FAM234A: variants seen among roughly 807,000 people sequenced by gnomAD.
The protein encoded by FAM234A is family with sequence similarity 234 member A, also known as protein FAM234A.
Under a neutral mutation model 49.1 loss-of-function variants are expected in FAM234A, and 42 were observed. The observed-to-expected ratio is 0.86, with a 90% CI of 0.67 to 1.11. The LOEUF is 1.11. FAM234A is among the 50% of genes least tolerant of loss of function. The pLI, the probability that FAM234A is intolerant of heterozygous loss-of-function variation, is 0.00. For missense variants in FAM234A, 815 were observed against 745.2 expected, an observed-to-expected ratio of 1.09 and a Z score of -1.09; for synonymous variants, 369 against 316.2, an observed-to-expected ratio of 1.17 and a Z score of -1.77.
chr16:238,765 C>CAAAAAAAAAA (rs34366851), intron 1 of FAM234A, among the ~76,000 whole-genome samples: 1 of 37,896 alleles, frequency 2.6e-5, no homozygotes, highest in Admixed American at 3.5e-4. Flanking sequence ...GACTCCGTCT[C>CAAAAAAAAAA]AAAAAAAAAA....
At chr16:267,996 CAT>C (rs1231249828), downstream of FAM234A, among the ~76,000 whole-genome samples, 1 of 148,952 alleles carries the variant, frequency 6.7e-6, no homozygotes, top group Non-Finnish European at 1.5e-5. Flanking sequence ...ACACATGCCT[CAT>C]ACACACGCAC....
In FAM234A at chr16:259,732, C is replaced by T. The variant is rs866826479; in HGVS notation, c.385+133C>T. On this transcript the variant is annotated intron_variant, in intron 4 of 12. Coordinates refer to ENST00000399932, the MANE Select transcript of FAM234A (RefSeq NM_032039.4). ...TCTGGAACCCATCTCGTCATCCTTCCTGGCAGACCAGAAAGAGGCCTGGAA... is the reference window on the plus strand; with the variant it reads ...TCTGGAACCCATCTCGTCATCCTTCTTGGCAGACCAGAAAGAGGCCTGGAA... 24 of 745,092 alleles carry T rather than the reference C, an allele frequency of 3.2e-5. No homozygotes were observed. The Middle Eastern group carries it at 4.1e-3, about 126-fold the overall frequency. The allele number at this position is 745,092 out of a possible 1,614,324, so 46.2% of individuals were successfully genotyped here.
rs769062990 is a variant in FAM234A at position 259,581 on chromosome 16, C to T, written c.367C>T (p.Arg123Ter). 5.0e-6 allele frequency: 8 copies of T among 1,604,122 alleles called. No homozygotes were observed. The highest frequency in any genetic ancestry group is 1.6e-4 in the Middle Eastern group (1 of 6,062). Residue 123 changes from arginine to a stop codon, truncating the protein, a stop_gained, in exon 4 of 13, where the codon CGA (arginine) becomes TGA (stop). Transcript: ENST00000399932. LOFTEE classifies it high-confidence loss of function. ...KNTNSSNNFS[R>*]SCVDEGFSSP... ...CACCAACAGCAGCAACAATTTCAGCCGATCCTGTGTGGACGAAGGTAATTT... is the reference window on the plus strand; with the variant it reads ...CACCAACAGCAGCAACAATTTCAGCTGATCCTGTGTGGACGAAGGTAATTT...
At chr16:241,997 T>C (rs1447632163) in intron 1 of FAM234A, among the ~76,000 whole-genome samples, 1 of 152,142 alleles carries the variant, frequency 6.6e-6, no homozygotes, top group Admixed American at 6.6e-5. Context: ...GAAAGAACTC[T>C]TGGAGAAAAG....
intron 1 of FAM234A, among the ~76,000 whole-genome samples, chr16:248,686 C>A (rs1432242517): frequency 6.6e-6 from 1 of 151,782 alleles, no homozygotes; most frequent in Non-Finnish European, 1.5e-5. Context: ...AGTGTCCTGG[C>A]CATCGCTCAC....
At chr16:255,955 C>T (rs979167845) in intron 3 of FAM234A, among the ~76,000 whole-genome samples, 1 of 152,356 alleles carries the variant, frequency 6.6e-6, no homozygotes, top group African/African-American at 2.4e-5. Flanking sequence ...TGAGCCACCG[C>T]GCCCGGCCTC....
At chr16:235,590 C>T (rs562062508) in intron 1 of FAM234A, among the ~76,000 whole-genome samples, 66 of 152,302 alleles carry the variant, frequency 4.3e-4, no homozygotes, top group African/African-American at 1.6e-3. Context: ...CTTGTGATTC[C>T]AGCTGAGGAG....
At chr16:263,587 C>G (rs2051569051) in intron 9 of FAM234A, 113 bp from the exon 10 acceptor site, 9 of 1,271,984 alleles carry the variant, frequency 7.1e-6, no homozygotes, top group Non-Finnish European at 1.0e-5. Context: ...GTCCTGGGCC[C>G]TGGTCCAGAT....
chr16:264,156 G>A lies in FAM234A; in HGVS notation c.1329G>A (p.Gly443=). The change falls in exon 11 of 13, where the codon GGG becomes GGA. Residue 443 remains glycine (G), a synonymous_variant. Coordinates refer to ENST00000399932, the MANE Select transcript of FAM234A (RefSeq NM_032039.4). The stretch of plus-strand genomic sequence containing the variant: ...TCTTCTGGGGCCTCCACGAGCTGGG[G>A]AGCACCAGCGAGACGGTACGGGAGC... ...AFFFWGLHEL[G]STSETETGEA... is the part of the protein sequence containing the mutation. 3 of 1,602,336 alleles carry A rather than the reference G, an allele frequency of 1.9e-6. No individual in the cohort carries two copies. The highest frequency in any genetic ancestry group is 1.1e-5 in the South Asian group (1 of 90,378).
At position 263,350 on chromosome 16, in the gene FAM234A, G is replaced by C. The variant is rs368813595; in HGVS notation, c.1060G>C (p.Asp354His). ...LVGSEAFVLL[D>H]GQELTPRWTP... ...GGGCTCAGAGGCCTTCGTGCTGCTG[G>C]ACGGGCAGGAGCTGACGCCTCGCTG... The change falls in exon 9 of 13, where the codon GAC becomes CAC. Residue 354 changes from aspartate to histidine, a missense_variant. By Grantham distance (81) the Asp-to-His change is moderately conservative (BLOSUM62 -1). Coordinates refer to ENST00000399932, the MANE Select transcript of FAM234A (RefSeq NM_032039.4). 10 of 1,612,708 alleles carry C rather than the reference G, an allele frequency of 6.2e-6. No individual in the cohort carries two copies.
At chr16:266,532 C>T (rs574421333), downstream of FAM234A, among the ~76,000 whole-genome samples, 21 of 152,246 alleles carry the variant, frequency 1.4e-4, no homozygotes, top group East Asian at 3.9e-4. Flanking sequence ...TTGGGTGTGG[C>T]GGCAGTGAGG....
At chr16:258,155 ATTTTTTTT>A in intron 3 of FAM234A, among the ~76,000 whole-genome samples, 1 of 134,080 alleles carries the variant, frequency 7.5e-6, no homozygotes, top group African/African-American at 2.7e-5. Context: ...CACCCGGCCT[ATTTTTTTT>A]TTTTTTTTTT....
intron 1 of FAM234A, among the ~76,000 whole-genome samples, chr16:245,539 A>G (rs1229907890): frequency 6.6e-6 from 1 of 152,110 alleles, no homozygotes; most frequent in South Asian, 2.1e-4. Flanking sequence ...TGAAAACCCT[A>G]AGAATATTTA....
chr16:251,835 C>T (rs1005780329), intron 2 of FAM234A, among the ~76,000 whole-genome samples: 1 of 150,622 alleles, frequency 6.6e-6, no homozygotes, highest in African/African-American at 2.4e-5. Context: ...AACCCCATCT[C>T]TACTAAAAAT....
At position 265,818 on chromosome 16, in the gene FAM234A, C is replaced by T. The variant is rs893490739; in HGVS notation, c.*796C>T. The T allele has an allele frequency of 1.0e-6, 1 of 985,638 alleles. No homozygotes were observed. Among genetic ancestry groups the T allele is most frequent in the East Asian group, 1.1e-4 (1 of 8,830 alleles). 61.1% of individuals were successfully genotyped at this position (985,638 alleles called of 1,614,324 possible). A position where few individuals can be genotyped will look rare whatever the true frequency, so the allele number is the denominator to read the frequency against. ...GTGTTTGGGTCAGTCTGTGCCCTCT[C>T]AGTAGACACTGGAGCTGCTCTGTCC... is the stretch of plus-strand genomic sequence containing the variant. On this transcript the variant is annotated 3_prime_UTR_variant, in exon 13 of 13. Coordinates refer to ENST00000399932, the MANE Select transcript of FAM234A (RefSeq NM_032039.4).
At position 264,039 on chromosome 16, in the gene FAM234A, T is replaced by C. The variant is rs1185872793; in HGVS notation, c.1212T>C (p.Thr404=). The change falls in exon 11 of 13, where the codon ACT becomes ACC. Residue 404 remains threonine (T), a synonymous_variant. Transcript: ENST00000399932. ...AGATCCTGTTTCTGGACCTTGGCAC[T>C]GGAGCCGTCCTGTGTAGCCTAGCCC... ...DRQILFLDLG[T]GAVLCSLALP... is the part of the protein sequence containing the mutation. The C allele has an allele frequency of 1.9e-6, 3 of 1,613,114 alleles. No individual in the cohort carries two copies. Among genetic ancestry groups the C allele is most frequent in the Non-Finnish European group, 2.5e-6 (3 of 1,179,858 alleles).
intron 1 of FAM234A, among the ~76,000 whole-genome samples, chr16:245,677 T>G (rs1318271459): frequency 6.6e-6 from 1 of 151,690 alleles, no homozygotes; most frequent in Non-Finnish European, 1.5e-5. Flanking sequence ...AAAAAAAAAT[T>G]GCAAAAAAAT....
rs552625943 is a variant in FAM234A at position 263,510 on chromosome 16, G to A, written c.1112+108G>A. The A allele has an allele frequency of 3.7e-5, 54 of 1,459,986 alleles. No homozygotes were observed. In the Admixed American group the frequency reaches 6.1e-4, roughly 17 times the overall value. The allele number at this position is 1,459,986 out of a possible 1,614,324, so 90.4% of individuals were successfully genotyped here. A position where few individuals can be genotyped will look rare whatever the true frequency, so the allele number is the denominator to read the frequency against. ...AGCGCTGGGGGTGGGGCCGGAGGCCGTGTGCTGCTGCCCGGGCTTCTTGCC... is the reference window on the plus strand; with the variant it reads ...AGCGCTGGGGGTGGGGCCGGAGGCCATGTGCTGCTGCCCGGGCTTCTTGCC... On this transcript the variant is annotated intron_variant, in intron 9 of 12. Coordinates refer to ENST00000399932, the MANE Select transcript of FAM234A (RefSeq NM_032039.4).
intron 1 of FAM234A, among the ~76,000 whole-genome samples, chr16:238,785 AAG>A (rs2050502284): frequency 3.7e-5 from 5 of 134,874 alleles, no homozygotes; most frequent in Admixed American, 7.4e-5. Flanking sequence ...AAAAAAAAAA[AAG>A]AAAAAAAAAA....
Sources: gnomAD v4.1 joint callset for allele counts (sites outside exome capture counted in the v4.1 genomes callset) on GRCh38, gnomAD v4.1.1 for gene constraint, MANE v1.5 for transcripts, NCBI Gene and HGNC (gene_info 2026-07-23, HGNC 2026-07-21) for gene names.